Variants in LRP1B observed in about 807,000 individuals in gnomAD.
The protein encoded by LRP1B is LDL receptor related protein 1B, also known as low-density lipoprotein receptor-related protein 1B.
LRP1B carries 217 observed loss-of-function variants against 556.6 expected under a neutral mutation model. That is an observed-to-expected ratio of 0.39 (90% confidence interval 0.35 to 0.44). The LOEUF is 0.44. Among genes scored for constraint, LRP1B ranks in the 20% least tolerant of loss-of-function variants. The pLI, the probability that LRP1B is intolerant of heterozygous loss-of-function variation, is 1.00. For missense variants in LRP1B, 5,053 were observed against 5,620.8 expected, an observed-to-expected ratio of 0.90 and a Z score of 3.23; for synonymous variants, 2,047 against 1,865.8, an observed-to-expected ratio of 1.10 and a Z score of -2.50.
chr2:141,190,588 TA>T (rs1241121102), intron 6 of LRP1B, among the ~76,000 whole-genome samples: 1 of 152,006 alleles, frequency 6.6e-6, no homozygotes, highest in Non-Finnish European at 1.5e-5. Context: ...TATTTTTCAT[TA>T]AAATACCTAT....
chr2:140,261,759 T>C (rs1022146821), intron 86 of LRP1B, among the ~76,000 whole-genome samples: 2 of 151,972 alleles, frequency 1.3e-5, no homozygotes, highest in African/African-American at 2.4e-5. Flanking sequence ...TTTTTTAGTA[T>C]ATAATAATCT....
intron 20 of LRP1B, among the ~76,000 whole-genome samples, chr2:140,933,087 T>C (rs569249350): frequency 9.3e-4 from 141 of 152,126 alleles, no homozygotes; most frequent in Non-Finnish European, 4.1e-4. Flanking sequence ...TGGATGTACA[T>C]TATGGCGATA....
At position 140,700,558 on chromosome 2, in the gene LRP1B, G is replaced by C. The variant is rs1300724410; in HGVS notation, c.6491C>G (p.Ser2164Cys). ...ATGGGCACAAGCACAAGTTCTCCGG[G>C]AATTTCCTCGATAAAGACAGAGTTG... ...CKQLCLYRGN[S>C]RRTCACAHGY... Residue 2164 changes from serine to cysteine, a missense_variant, in exon 41 of 91, where the codon TCC (serine) becomes TGC (cysteine). Ser to Cys is a moderately radical substitution (Grantham distance 112). Coordinates refer to ENST00000389484, the MANE Select transcript of LRP1B (RefSeq NM_018557.3). 6.2e-7 allele frequency: 1 copy of C among 1,613,300 alleles called. No individual in the cohort carries two copies. The highest frequency in any genetic ancestry group is 2.2e-5 in the East Asian group (1 of 44,846).
intron 1 of LRP1B, among the ~76,000 whole-genome samples, chr2:142,031,330 ATTTTT>A (rs560363480): frequency 1.7e-5 from 2 of 117,050 alleles, no homozygotes; most frequent in Non-Finnish European, 3.5e-5. Flanking sequence ...GATTATACTT[ATTTTT>A]TTTTTTTTTT....
chr2:141,952,733 C>T (rs1476571290), intron 1 of LRP1B, among the ~76,000 whole-genome samples: 1 of 152,092 alleles, frequency 6.6e-6, no homozygotes, highest in Non-Finnish European at 1.5e-5. Context: ...TAAACCCTTC[C>T]TTATCTATAC....
chr2:141,292,830 C>A (rs1686028022), intron 3 of LRP1B, among the ~76,000 whole-genome samples: 1 of 152,056 alleles, frequency 6.6e-6, no homozygotes, highest in African/African-American at 2.4e-5. Context: ...AATGTGAAAT[C>A]CTACATGAGA....
At chr2:140,421,219 C>T (rs1367229395) in intron 66 of LRP1B, among the ~76,000 whole-genome samples, 3 of 152,038 alleles carry the variant, frequency 2.0e-5, no homozygotes, top group Non-Finnish European at 2.9e-5. Flanking sequence ...TGCACCACTG[C>T]ACCTCAGCCT....
chr2:140,713,653 G>A (rs1687114920), intron 37 of LRP1B, among the ~76,000 whole-genome samples: 1 of 151,800 alleles, frequency 6.6e-6, no homozygotes, highest in South Asian at 2.1e-4. Flanking sequence ...AAATATATAG[G>A]GAGTCCTACC....
At chr2:141,121,174 G>A (rs539128243) in intron 7 of LRP1B, among the ~76,000 whole-genome samples, 1 of 151,936 alleles carries the variant, frequency 6.6e-6, no homozygotes, top group Non-Finnish European at 1.5e-5. Flanking sequence ...TAAGAGTAAA[G>A]CCTCATGGAG....
chr2:140,312,268 C>A (rs1186840091), intron 83 of LRP1B, among the ~76,000 whole-genome samples: 2 of 151,986 alleles, frequency 1.3e-5, no homozygotes, highest in Non-Finnish European at 2.9e-5. Context: ...GTAACATCTA[C>A]TTCCCCTCAG....
rs746476723 is a variant in LRP1B at position 140,702,251 on chromosome 2, T to C, written c.6192A>G (p.Ile2064Met). Residue 2064 changes from isoleucine (I) to methionine (M), a missense_variant, in exon 39 of 91, where the codon ATA (isoleucine) becomes ATG (methionine). Ile to Met is a conservative substitution (Grantham distance 10, BLOSUM62 1). Transcript: ENST00000389484. ...CTCCAGTCTCAAGGTCGATTCTCTC[T>C]ATCTTGTCTGTGCGAGCATCACACC... ...LYWCDARTDK[I>M]ERIDLETGGN... The C allele has an allele frequency of 1.9e-5, 31 of 1,613,752 alleles. No homozygotes were observed. The Middle Eastern group carries it at 1.8e-3, about 94-fold the overall frequency.
chr2:140,580,818 T>C (rs1681730971), intron 43 of LRP1B, among the ~76,000 whole-genome samples: 1 of 151,956 alleles, frequency 6.6e-6, no homozygotes, highest in Non-Finnish European at 1.5e-5. Flanking sequence ...ACTGAAAAGC[T>C]ATTACTTCAA....
At chr2:140,801,283 C>G (rs1044509749) in intron 32 of LRP1B, among the ~76,000 whole-genome samples, 7 of 152,166 alleles carry the variant, frequency 4.6e-5, no homozygotes, top group African/African-American at 1.2e-4. Context: ...GCCAATCACA[C>G]TGGGGTAAGC....
At chr2:141,592,732 C>A (rs1687384735) in intron 2 of LRP1B, among the ~76,000 whole-genome samples, 1 of 152,128 alleles carries the variant, frequency 6.6e-6, no homozygotes, top group Admixed American at 6.6e-5. Flanking sequence ...TGTGAAATTC[C>A]TTTATTCCTC....
chr2:141,551,479 G>T (rs1055612972), intron 2 of LRP1B, among the ~76,000 whole-genome samples: 3 of 151,996 alleles, frequency 2.0e-5, no homozygotes, highest in Non-Finnish European at 4.4e-5. Flanking sequence ...TCAGTTAAAT[G>T]AATTTTTTTA....
chr2:141,283,652 G>A (rs1053597804), intron 3 of LRP1B, among the ~76,000 whole-genome samples: 4 of 137,084 alleles, frequency 2.9e-5, no homozygotes, highest in African/African-American at 1.1e-4. Flanking sequence ...ACGCAGTGTA[G>A]TGGCGCGGTC....
intron 5 of LRP1B, among the ~76,000 whole-genome samples, chr2:141,240,554 T>G (rs528306831): frequency 6.6e-6 from 1 of 152,190 alleles, no homozygotes; most frequent in South Asian, 2.1e-4. Flanking sequence ...TCCCTTTCTT[T>G]TTATTTTCAT....
At chr2:140,478,744 C>T (rs1406724173) in intron 59 of LRP1B, among the ~76,000 whole-genome samples, 1 of 151,996 alleles carries the variant, frequency 6.6e-6, no homozygotes, top group East Asian at 1.9e-4. Context: ...GCTTGGATTG[C>T]CTCATGTCTA....
rs556261765 is a variant in LRP1B, at chr2:140,641,801, T to A, written c.6800-40162A>T. ...TAAAGATATTTATTGAGAGAAACAG[T>A]TAATACTTTGTTTTTACTTTTAAAA... is the stretch of plus-strand genomic sequence containing the variant. On this transcript the variant is annotated intron_variant, in intron 41 of 90. Transcript: ENST00000389484. Among the ~76,000 whole-genome samples the A allele has an allele frequency of 2.3e-4, 35 of 152,340 alleles. No homozygotes were observed. The South Asian group carries it at 4.8e-3, about 21-fold the overall frequency.
Sources: allele counts gnomAD v4.1 joint callset (sites outside exome capture counted in the v4.1 genomes callset), GRCh38; gene constraint gnomAD v4.1.1; transcripts MANE v1.5; gene names NCBI Gene and HGNC (gene_info 2026-07-23, HGNC 2026-07-21).